Variants in GALNT17 observed in about 807,000 individuals in gnomAD.
GALNT17 encodes UDP-GalNAc:polypeptide N-acetylgalactosaminyltransferase-like 3.
GALNT17 carries 29 observed loss-of-function variants against 63.7 expected under a neutral mutation model. That is an observed-to-expected ratio of 0.46 (90% CI 0.34 to 0.62). The LOEUF is 0.62. GALNT17 is among the 20% of genes least tolerant of loss of function. The probability of loss-of-function intolerance (pLI) is 0.01; values close to 1 mark genes in which losing one functional copy is unlikely to be tolerated. For missense variants in GALNT17, 603 were observed against 799.6 expected, an observed-to-expected ratio of 0.75 and a Z score of 2.97; for synonymous variants, 305 against 318.3, an observed-to-expected ratio of 0.96 and a Z score of 0.45.
chr7:71,483,395 G>A (rs1049134248), intron 5 of GALNT17, among the ~76,000 whole-genome samples: 1 of 151,880 alleles, frequency 6.6e-6, no homozygotes, highest in African/African-American at 2.4e-5. Flanking sequence ...GCTTGAACCC[G>A]GGAGGTGGAG....
intron 1 of GALNT17, among the ~76,000 whole-genome samples, chr7:71,232,027 C>T (rs1409775173): frequency 3.9e-5 from 6 of 152,108 alleles, no homozygotes; most frequent in African/African-American, 1.4e-4. Flanking sequence ...TTAGTAGCTT[C>T]AGAATTCCCT....
chr7:71,312,193 G>C (rs1401698756), intron 1 of GALNT17, among the ~76,000 whole-genome samples: 2 of 152,176 alleles, frequency 1.3e-5, no homozygotes, highest in East Asian at 3.9e-4. Flanking sequence ...AACTGCCTGG[G>C]GTTAGCCCTG....
chr7:71,598,253 T>A (rs1378744354), intron 6 of GALNT17, among the ~76,000 whole-genome samples: 1 of 152,170 alleles, frequency 6.6e-6, no homozygotes, highest in East Asian at 1.9e-4. Context: ...GTAGTTTCAT[T>A]GCTTATTATG....
rs74875690 is a variant in GALNT17, at chr7:71,436,202, G to A, written c.962+15097G>A. Among the ~76,000 whole-genome samples the A allele has an allele frequency of 3.4e-3, 511 of 152,140 alleles. 5 individuals are homozygous for A. Among genetic ancestry groups the A allele is most frequent in the African/African-American group, 0.012 (485 of 41,494 alleles). On this transcript the variant is annotated intron_variant, in intron 5 of 10. Transcript: ENST00000333538. Reference sequence around the variant, plus strand: ...AGGCAGCAGGCAAGATGAACCCACCGGGTGGTTACATGGCTGTAGTCTCGG... The same window carrying A: ...AGGCAGCAGGCAAGATGAACCCACCAGGTGGTTACATGGCTGTAGTCTCGG...
intron 1 of GALNT17, among the ~76,000 whole-genome samples, chr7:71,164,871 T>C (rs1788409095): frequency 6.6e-6 from 1 of 152,230 alleles, no homozygotes; most frequent in Non-Finnish European, 1.5e-5. Flanking sequence ...TTGAATAAAA[T>C]TGTGGTGGCT....
intron 9 of GALNT17, among the ~76,000 whole-genome samples, chr7:71,689,058 A>G (rs1403904827): frequency 2.0e-5 from 3 of 152,088 alleles, no homozygotes; most frequent in South Asian, 4.1e-4. Flanking sequence ...CTTTGATGTT[A>G]CTATTGTAAT....
intron 3 of GALNT17, among the ~76,000 whole-genome samples, chr7:71,400,215 T>A (rs1429512831): frequency 6.6e-6 from 1 of 152,122 alleles, no homozygotes; most frequent in Non-Finnish European, 1.5e-5. Flanking sequence ...GTGTTCTCAT[T>A]GTTCAACTCT....
chr7:71,339,295 G>A (rs1167826000), intron 2 of GALNT17, among the ~76,000 whole-genome samples: 1 of 152,236 alleles, frequency 6.6e-6, no homozygotes, highest in Non-Finnish European at 1.5e-5. Context: ...CAGCACAAGG[G>A]TATGTGCCGG....
At chr7:71,674,485 A>G (rs1450543134) in intron 8 of GALNT17, among the ~76,000 whole-genome samples, 1 of 151,730 alleles carries the variant, frequency 6.6e-6, no homozygotes, top group Non-Finnish European at 1.5e-5. Flanking sequence ...AGCTGCTACC[A>G]CAGGTGTGAG....
intron 1 of GALNT17, among the ~76,000 whole-genome samples, chr7:71,150,450 C>A (rs1788108642): frequency 6.6e-6 from 1 of 151,880 alleles, no homozygotes; most frequent in South Asian, 2.1e-4. Flanking sequence ...TATGACCAGG[C>A]TTGGCCCACC....
chr7:71,308,244 T>C (rs950330988), intron 1 of GALNT17, among the ~76,000 whole-genome samples: 2 of 152,134 alleles, frequency 1.3e-5, no homozygotes, highest in African/African-American at 4.8e-5. Context: ...AAAGAAGCAT[T>C]GGATTGCAGC....
intron 1 of GALNT17, among the ~76,000 whole-genome samples, chr7:71,185,787 G>A (rs921286608): frequency 1.3e-5 from 2 of 152,136 alleles, no homozygotes; most frequent in African/African-American, 2.4e-5. Flanking sequence ...GATTACAGGC[G>A]TGAGCCACTG....
At chr7:71,463,440 G>C (rs1335425055) in intron 5 of GALNT17, among the ~76,000 whole-genome samples, 1 of 152,112 alleles carries the variant, frequency 6.6e-6, no homozygotes, top group Admixed American at 6.5e-5. Context: ...TACCAGAAAG[G>C]GGTCCCAATC....
At chr7:71,254,692 CATCA>C (rs1562950440) in intron 1 of GALNT17, among the ~76,000 whole-genome samples, 1 of 152,018 alleles carries the variant, frequency 6.6e-6, no homozygotes, top group Non-Finnish European at 1.5e-5. Flanking sequence ...GAAGGGGGTC[CATCA>C]ATCAGTTGGG....
At chr7:71,560,328 C>T (rs1479080728) in intron 5 of GALNT17, among the ~76,000 whole-genome samples, 4 of 152,088 alleles carry the variant, frequency 2.6e-5, no homozygotes, top group Non-Finnish European at 5.9e-5. Context: ...TCCTTCCCTG[C>T]CTGGTCTTTT....
intron 3 of GALNT17, among the ~76,000 whole-genome samples, chr7:71,393,086 T>G (rs1563060011): frequency 6.6e-6 from 1 of 152,210 alleles, no homozygotes; most frequent in East Asian, 1.9e-4. Context: ...TCTTCCTTCC[T>G]GTGTTCCTAA....
chr7:71,708,972 G>A (rs1026629655), intron 9 of GALNT17, among the ~76,000 whole-genome samples: 2 of 152,150 alleles, frequency 1.3e-5, no homozygotes, highest in Non-Finnish European at 2.9e-5. Flanking sequence ...TTATGGGCAC[G>A]TGGGTTGATT....
chr7:71,452,250 A>T (rs1285375714), intron 5 of GALNT17, among the ~76,000 whole-genome samples: 1 of 149,976 alleles, frequency 6.7e-6, no homozygotes, highest in East Asian at 2.0e-4. Flanking sequence ...TTAGAAAAAA[A>T]AAAAAGATTT....
intron 5 of GALNT17, among the ~76,000 whole-genome samples, chr7:71,538,204 A>G (rs1490051298): frequency 6.6e-6 from 1 of 152,222 alleles, no homozygotes; most frequent in Non-Finnish European, 1.5e-5. Context: ...GGTTAAAGAT[A>G]TTTAAGATGA....
Sources: allele counts gnomAD v4.1 joint callset (sites outside exome capture counted in the v4.1 genomes callset), GRCh38; gene constraint gnomAD v4.1.1; transcripts MANE v1.5; gene names NCBI Gene and HGNC (gene_info 2026-07-23, HGNC 2026-07-21).